The following JPH3 variants were observed in gnomAD, a reference collection of about 807,000 sequenced individuals.
The protein encoded by JPH3 is junctophilin 3.
In JPH3, 11 loss-of-function variants were observed where a neutral mutation model predicts 59.6. That is an observed-to-expected ratio of 0.18 (90% CI 0.12 to 0.31). The LOEUF is 0.31. JPH3 is among the 10% of genes least tolerant of loss of function. JPH3 has a pLI of 1.00. For synonymous variants in JPH3, 673 were observed against 483.6 expected, an observed-to-expected ratio of 1.39 and a Z score of -5.14; for missense variants, 1,202 against 1,105.7, an observed-to-expected ratio of 1.09 and a Z score of -1.24.
chr16:87,661,934 C>T (rs1490451882), intron 2 of JPH3, among the ~76,000 whole-genome samples: 2 of 152,362 alleles, frequency 1.3e-5, no homozygotes, highest in East Asian at 1.9e-4. Flanking sequence ...ACGTACGCCA[C>T]CACTACTCCT....
chr16:87,677,201 CACACACACACACACACACACACACAAAA>C (rs1352907616), intron 2 of JPH3, among the ~76,000 whole-genome samples: 1 of 119,322 alleles, frequency 8.4e-6, no homozygotes, highest in East Asian at 2.8e-4. Context: ...CACACACACA[CACACACACACACACACACACACACAAAA>C]AAAAAAATTA....
chr16:87,640,821 G>A (rs1360913769), intron 1 of JPH3, among the ~76,000 whole-genome samples: 1 of 152,244 alleles, frequency 6.6e-6, no homozygotes, highest in Non-Finnish European at 1.5e-5. Context: ...CCACAGCCCT[G>A]GCACGGAAGG....
At chr16:87,675,013 C>T (rs1388189987) in intron 2 of JPH3, among the ~76,000 whole-genome samples, 1 of 152,122 alleles carries the variant, frequency 6.6e-6, no homozygotes, top group East Asian at 1.9e-4. Context: ...CCACCAGCCT[C>T]GGCCTCCCAA....
At chr16:87,656,554 C>G (rs2032508375) in intron 2 of JPH3, among the ~76,000 whole-genome samples, 1 of 152,220 alleles carries the variant, frequency 6.6e-6, no homozygotes. Context: ...CAGGCTTGAT[C>G]TTGCAGTGTT....
Position 87,644,530 on chromosome 16 carries a change from C to G in JPH3, c.655C>G (p.Leu219Val). The G allele has an allele frequency of 6.2e-7, 1 of 1,612,904 alleles. No homozygotes were observed. The highest frequency in any genetic ancestry group is 8.5e-7 in the Non-Finnish European group (1 of 1,179,858). Residue 219 changes from leucine (L) to valine (V), a missense_variant, in exon 2 of 5, where the codon CTG becomes GTG. Transcript: ENST00000284262. ...SKKKGLFRRSLLSGLKLRKSE... is the reference protein window; with the variant it reads ...SKKKGLFRRSVLSGLKLRKSE... ...GAAGAAGGGGCTGTTTCGGCGCTCGCTGCTGAGTGGGCTGAAGCTGCGCAA... is the reference window on the plus strand; with the variant it reads ...GAAGAAGGGGCTGTTTCGGCGCTCGGTGCTGAGTGGGCTGAAGCTGCGCAA...
intron 2 of JPH3, among the ~76,000 whole-genome samples, chr16:87,667,656 C>G (rs2150864153): frequency 6.6e-6 from 1 of 152,340 alleles, no homozygotes; most frequent in African/African-American, 2.4e-5. Flanking sequence ...TCCCACCCCT[C>G]TCTGGGCCTT....
At position 87,645,170 on chromosome 16, in the gene JPH3, A is replaced by G. The variant is rs1025898291; in HGVS notation, c.1160+135A>G. ...GGCCTACACTGGTGTTTCTCAAACT[A>G]TGCCCCCATGGAACCCTAGGGTTCC... On this transcript the variant is annotated intron_variant, in intron 2 of 4. Coordinates refer to ENST00000284262, the MANE Select transcript of JPH3 (RefSeq NM_020655.4). The G allele has an allele frequency of 3.3e-6, 3 of 906,830 alleles. No homozygotes were observed. In the South Asian group the frequency reaches 5.3e-5, roughly 16 times the overall value. The allele number at this position is 906,830 out of a possible 1,614,324, so 56.2% of individuals were successfully genotyped here. A position where few individuals can be genotyped will look rare whatever the true frequency, so the allele number is the denominator to read the frequency against.
At chr16:87,673,383 C>G (rs763320797) in intron 2 of JPH3, among the ~76,000 whole-genome samples, 1 of 151,984 alleles carries the variant, frequency 6.6e-6, no homozygotes, top group Non-Finnish European at 1.5e-5. Context: ...GTGCTTTGCT[C>G]GTGGGGGTGT....
At chr16:87,665,325 C>T (rs74039443) in intron 2 of JPH3, among the ~76,000 whole-genome samples, 4,235 of 152,326 alleles carry the variant, frequency 0.028, 214 homozygotes, top group African/African-American at 0.094. Context: ...GGTTTCTCCC[C>T]ATTGTGCAGG....
intron 2 of JPH3, among the ~76,000 whole-genome samples, chr16:87,676,153 A>G (rs2033136756): frequency 6.6e-6 from 1 of 152,196 alleles, no homozygotes; most frequent in Non-Finnish European, 1.5e-5. Context: ...GTCTTCTTAG[A>G]ACGTGTGGCC....
intron 2 of JPH3, among the ~76,000 whole-genome samples, chr16:87,650,345 G>C (rs1007769933): frequency 2.0e-5 from 3 of 152,140 alleles, no homozygotes; most frequent in African/African-American, 7.2e-5. Context: ...TCTGTGTTCT[G>C]ACCAATCCTC....
chr16:87,625,589 G>A (rs758674603), intron 1 of JPH3, among the ~76,000 whole-genome samples: 3 of 152,202 alleles, frequency 2.0e-5, no homozygotes, highest in Non-Finnish European at 4.4e-5. Flanking sequence ...AGGAGGACTG[G>A]CCCCACCTGT....
Position 87,697,984 on chromosome 16 carries a change from G to C in JPH3, c.*1324G>C, listed in dbSNP as rs1259234507. 1 of 152,546 alleles carries C rather than the reference G, an allele frequency of 6.6e-6. No homozygotes were observed. The highest frequency in any genetic ancestry group is 2.4e-5 in the African/African-American group (1 of 41,440). The allele number at this position is 152,546 out of a possible 1,614,324, so 9.4% of individuals were successfully genotyped here. A position where few individuals can be genotyped will look rare whatever the true frequency, so the allele number is the denominator to read the frequency against. On this transcript the variant is annotated 3_prime_UTR_variant, in exon 5 of 5. Transcript: ENST00000284262. ...CCCTGTGCCCGGGGAGGCGCTGCAG[G>C]GATTCCCCATCCGGTCGTCTTGGGG... is the stretch of plus-strand genomic sequence containing the variant.
chr16:87,660,200 G>A (rs945383399), intron 2 of JPH3, among the ~76,000 whole-genome samples: 1 of 152,176 alleles, frequency 6.6e-6, no homozygotes, highest in African/African-American at 2.4e-5. Flanking sequence ...TCAGTAATAC[G>A]GAGAGAACTT....
intron 2 of JPH3, among the ~76,000 whole-genome samples, chr16:87,655,895 C>G (rs1400686230): frequency 6.6e-6 from 1 of 152,224 alleles, no homozygotes; most frequent in Non-Finnish European, 1.5e-5. Context: ...GCTCAGGGGT[C>G]TCACTTGCCA....
chr16:87,669,004 C>G (rs113620086), intron 2 of JPH3, among the ~76,000 whole-genome samples: 1 of 152,078 alleles, frequency 6.6e-6, no homozygotes, highest in Non-Finnish European at 1.5e-5. Context: ...TCCTGCGAGG[C>G]GAGGCCTGTG....
intron 2 of JPH3, among the ~76,000 whole-genome samples, chr16:87,652,967 C>G (rs2032372879): frequency 6.6e-6 from 1 of 152,172 alleles, no homozygotes; most frequent in African/African-American, 2.4e-5. Flanking sequence ...TCTGTCGGCT[C>G]AGGACTGTCC....
Position 87,644,993 on chromosome 16 carries a change from C to T in JPH3, c.1118C>T (p.Ala373Val), listed in dbSNP as rs1597258088. ...VDRAVEAAERAATIAKQKAEI... is the reference protein window; with the variant it reads ...VDRAVEAAERVATIAKQKAEI... ...CGCGCCGTTGAGGCCGCTGAGCGGG[C>T]CGCCACCATCGCCAAGCAGAAGGCT... Residue 373 changes from alanine (A) to valine (V), a missense_variant, in exon 2 of 5, where the codon GCC becomes GTC. Ala to Val is a moderately conservative substitution (Grantham distance 64). Coordinates refer to ENST00000284262, the MANE Select transcript of JPH3 (RefSeq NM_020655.4). 6.2e-7 allele frequency: 1 copy of T among 1,607,728 alleles called. No individual in the cohort carries two copies. Among genetic ancestry groups the T allele is most frequent in the Non-Finnish European group, 8.5e-7 (1 of 1,179,594 alleles).
chr16:87,684,971 G>A (rs1056877297), intron 3 of JPH3, among the ~76,000 whole-genome samples: 16 of 152,336 alleles, frequency 1.1e-4, no homozygotes, highest in African/African-American at 3.6e-4. Context: ...GGAGGCCCCA[G>A]AGAATGGGGT....
Sources: gnomAD v4.1 joint callset for allele counts (sites outside exome capture counted in the v4.1 genomes callset) on GRCh38, gnomAD v4.1.1 for gene constraint, MANE v1.5 for transcripts, NCBI Gene and HGNC (gene_info 2026-07-23, HGNC 2026-07-21) for gene names.